Variants in TMEM217B observed in about 807,000 individuals in gnomAD.
TMEM217B encodes transmembrane protein 217B.
chr6:37,256,979 A>G, the TMEM217B span, among the ~76,000 whole-genome samples: 1 of 152,370 alleles, frequency 6.6e-6, no homozygotes, highest in African/African-American at 2.4e-5. Flanking sequence ...TGCAAGATTT[A>G]TAATAGATTA....
At chr6:37,257,990 G>C in the TMEM217B span, 1 of 1,613,560 alleles carries the variant, frequency 6.2e-7, no homozygotes, top group African/African-American at 1.3e-5. Context: ...CCAGGACGCT[G>C]AGAGGGATAG....
chr6:37,239,549 T>A, the TMEM217B span, among the ~76,000 whole-genome samples: 1 of 152,060 alleles, frequency 6.6e-6, no homozygotes, highest in Non-Finnish European at 1.5e-5. Context: ...TGAAGCATAG[T>A]GTAATTAATG....
chr6:37,212,464 T>C, the TMEM217B span: 1 of 451,092 alleles, frequency 2.2e-6, no homozygotes, highest in Admixed American at 2.4e-5. Flanking sequence ...TAGTCATGAG[T>C]TCACTGCAAT....
chr6:37,249,561 T>A, the TMEM217B span, among the ~76,000 whole-genome samples: 1 of 152,194 alleles, frequency 6.6e-6, no homozygotes, highest in African/African-American at 2.4e-5. Context: ...CCTCAAGTGA[T>A]CCACCCACCT....
the TMEM217B span, among the ~76,000 whole-genome samples, chr6:37,222,072 T>C: frequency 6.6e-6 from 1 of 152,184 alleles, no homozygotes; most frequent in Non-Finnish European, 1.5e-5. Flanking sequence ...TCTGCTCTCT[T>C]CGTCCTCTAG....
chr6:37,226,437 C>T, the TMEM217B span, among the ~76,000 whole-genome samples: 5 of 151,066 alleles, frequency 3.3e-5, no homozygotes, highest in Non-Finnish European at 4.4e-5. Context: ...GGACTATAGG[C>T]GCCTGCCACG....
the TMEM217B span, chr6:37,219,170 T>C: frequency 1.2e-6 from 1 of 810,242 alleles, no homozygotes; most frequent in South Asian, 1.8e-5. Context: ...TGGGAAACTA[T>C]AGCCTTGGGA....
the TMEM217B span, among the ~76,000 whole-genome samples, chr6:37,227,212 C>T: frequency 6.6e-6 from 1 of 152,156 alleles, no homozygotes; most frequent in African/African-American, 2.4e-5. Context: ...AGGAAGGCCT[C>T]GACTAGAGTA....
chr6:37,236,757 G>A, the TMEM217B span, among the ~76,000 whole-genome samples: 1 of 152,020 alleles, frequency 6.6e-6, no homozygotes, highest in Non-Finnish European at 1.5e-5. Flanking sequence ...GGATTCTGTG[G>A]GTGAGGACTT....
the TMEM217B span, among the ~76,000 whole-genome samples, chr6:37,229,759 C>G: frequency 6.6e-6 from 1 of 152,320 alleles, no homozygotes; most frequent in Admixed American, 6.5e-5. Context: ...TGTGCTGACT[C>G]TGCAGTTGGT....
At chr6:37,245,784 TTTTC>T in the TMEM217B span, among the ~76,000 whole-genome samples, 34 of 140,298 alleles carry the variant, frequency 2.4e-4, no homozygotes, top group Non-Finnish European at 3.5e-4. Flanking sequence ...TTTTCTTTTC[TTTTC>T]TTTCTTTCTT....
the TMEM217B span, among the ~76,000 whole-genome samples, chr6:37,249,507 G>A: frequency 2.6e-5 from 4 of 152,078 alleles, no homozygotes; most frequent in Admixed American, 6.5e-5. Context: ...TTTTAGTGGA[G>A]ACGGGGTTTC....
At chr6:37,252,589 A>ACG in the TMEM217B span, among the ~76,000 whole-genome samples, 1 of 29,618 alleles carries the variant, frequency 3.4e-5, no homozygotes, top group South Asian at 1.2e-3. Context: ...GTGTACGTGT[A>ACG]TGTGTGTGTG....
chr6:37,220,492 C>T, the TMEM217B span, among the ~76,000 whole-genome samples: 1 of 152,024 alleles, frequency 6.6e-6, no homozygotes. Context: ...TTGTTAACTA[C>T]ACTGAGCAGG....
At chr6:37,214,915 G>C in the TMEM217B span, among the ~76,000 whole-genome samples, 1 of 152,130 alleles carries the variant, frequency 6.6e-6, no homozygotes, top group Admixed American at 6.6e-5. Flanking sequence ...ACCTCTGCTC[G>C]GTTCACAGCG....
the TMEM217B span, among the ~76,000 whole-genome samples, chr6:37,234,677 A>C: frequency 6.6e-6 from 1 of 152,120 alleles, no homozygotes; most frequent in Non-Finnish European, 1.5e-5. Flanking sequence ...CAGAGGTTGC[A>C]CTGAGCCGAG....
the TMEM217B span, among the ~76,000 whole-genome samples, chr6:37,221,347 T>C: frequency 1.3e-5 from 2 of 152,076 alleles, no homozygotes; most frequent in Non-Finnish European, 2.9e-5. Flanking sequence ...CCACCACACC[T>C]GGCTAATTTT....
the TMEM217B span, among the ~76,000 whole-genome samples, chr6:37,237,061 AT>A: frequency 1.8e-4 from 28 of 152,054 alleles, no homozygotes; most frequent in Non-Finnish European, 1.5e-5. Flanking sequence ...ACCTTTTCTT[AT>A]TCTAGCCTCA....
the TMEM217B span, chr6:37,215,352 G>A: frequency 1.4e-5 from 22 of 1,530,458 alleles, no homozygotes; most frequent in South Asian, 8.2e-5. Context: ...TGAGGCAGGC[G>A]GATCACGAGG....
Sources: gnomAD v4.1 joint callset for allele counts (sites outside exome capture counted in the v4.1 genomes callset) on GRCh38, gnomAD v4.1.1 for gene constraint, MANE v1.5 for transcripts, NCBI Gene and HGNC (gene_info 2026-07-23, HGNC 2026-07-21) for gene names.